FBXO24: variants seen among roughly 807,000 people sequenced by gnomAD.
FBXO24 encodes the protein F-box protein 24, also known as F-box only protein 24.
In FBXO24, 30 loss-of-function variants were observed where a neutral mutation model predicts 63.5. The ratio of observed to expected loss-of-function variants is 0.47; its 90% confidence interval spans 0.35 to 0.64. The LOEUF (loss-of-function observed/expected upper bound fraction) is 0.64. Ranked by LOEUF, FBXO24 falls within the 30% of genes least tolerant of loss-of-function variation. The pLI, the probability that FBXO24 is intolerant of heterozygous loss-of-function variation, is 0.00. For missense variants in FBXO24, 624 were observed against 763.4 expected (o/e 0.82, Z 2.15); for synonymous variants, 300 against 305.0 (o/e 0.98, Z 0.17).
chr7:100,591,692 A>C lies in FBXO24; in HGVS notation c.348A>C (p.Ala116=). ...LNYTKGLYFQ[A]FGGRRRCLSK... is the part of the protein sequence containing the mutation. Reference sequence around the variant, plus strand: ...ACACGAAGGGCCTGTATTTCCAGGCATTTGGAGGCCGCCGCCGATGTCTCA... The same window carrying C: ...ACACGAAGGGCCTGTATTTCCAGGCCTTTGGAGGCCGCCGCCGATGTCTCA... The change falls in exon 4 of 10, where the codon GCA becomes GCC. Residue 116 remains alanine, a synonymous_variant. Transcript: ENST00000241071. 1 of 1,614,130 alleles carries C rather than the reference A, an allele frequency of 6.2e-7. No homozygotes were observed. Among genetic ancestry groups the C allele is most frequent in the Non-Finnish European group, 8.5e-7 (1 of 1,180,012 alleles).
At chr7:100,597,671 G>A (rs956836891) in intron 8 of FBXO24, among the ~76,000 whole-genome samples, 12 of 152,106 alleles carry the variant, frequency 7.9e-5, no homozygotes, top group African/African-American at 2.4e-4. Flanking sequence ...TGGGATTACA[G>A]GTGTGAGCCA....
At chr7:100,593,367 C>T (rs933104349) in intron 5 of FBXO24, among the ~76,000 whole-genome samples, 11 of 152,056 alleles carry the variant, frequency 7.2e-5, no homozygotes, top group Admixed American at 2.0e-4. Flanking sequence ...TGCGGCGGCT[C>T]ACACCTGTAA....
chr7:100,588,551 G>C (rs1801858531), intron 1 of FBXO24, among the ~76,000 whole-genome samples: 1 of 152,184 alleles, frequency 6.6e-6, no homozygotes, highest in Non-Finnish European at 1.5e-5. Flanking sequence ...GTGAGGGCTG[G>C]TGGTCTGGCA....
intron 1 of FBXO24, 55 bp downstream of exon 1, chr7:100,586,719 C>T (rs770474370): frequency 4.4e-6 from 7 of 1,600,182 alleles, no homozygotes; most frequent in South Asian, 3.3e-5. Context: ...CCCTGGCCGG[C>T]CGGGAACGCA....
At chr7:100,588,312 A>G (rs1801849775) in intron 1 of FBXO24, among the ~76,000 whole-genome samples, 1 of 152,240 alleles carries the variant, frequency 6.6e-6, no homozygotes. Context: ...TCTAAGTGGC[A>G]TGAGTCCCTA....
At chr7:100,587,013 C>G (rs1801792014) in intron 1 of FBXO24, among the ~76,000 whole-genome samples, 1 of 152,210 alleles carries the variant, frequency 6.6e-6, no homozygotes, top group Non-Finnish European at 1.5e-5. Context: ...AGGAGCTCCC[C>G]TGGACAGGAA....
At chr7:100,599,855 T>TA (rs777205769) in intron 8 of FBXO24, 176 bp from the exon 9 acceptor site, 56 of 653,166 alleles carry the variant, frequency 8.6e-5, no homozygotes, top group Non-Finnish European at 1.3e-4. Flanking sequence ...TGTGACCAGT[T>TA]AGAGTATGGG....
At chr7:100,587,463 C>T (rs929099701) in intron 1 of FBXO24, among the ~76,000 whole-genome samples, 4 of 150,332 alleles carry the variant, frequency 2.7e-5, no homozygotes, top group African/African-American at 7.4e-5. Flanking sequence ...CCACCACACC[C>T]GGCTAATTTT....
At chr7:100,590,138 C>T in intron 2 of FBXO24, 36 bp from the exon 3 acceptor site, 2 of 1,608,638 alleles carry the variant, frequency 1.2e-6, no homozygotes, top group Non-Finnish European at 1.7e-6. Context: ...CGAGGGGCCA[C>T]CAAAGACTCC....
intron 1 of FBXO24, among the ~76,000 whole-genome samples, chr7:100,588,075 T>TAC (rs1183720595): frequency 6.6e-6 from 1 of 151,868 alleles, no homozygotes; most frequent in East Asian, 1.9e-4. Flanking sequence ...GACAGGGTCC[T>TAC]ACTATGTTGC....
intron 8 of FBXO24, among the ~76,000 whole-genome samples, chr7:100,598,238 G>A (rs1292211445): frequency 2.6e-5 from 4 of 152,138 alleles, no homozygotes; most frequent in Non-Finnish European, 4.4e-5. Context: ...GTATTTGTTT[G>A]TTTAGCCAAC....
At chr7:100,586,848 A>G (rs1584416149) in intron 1 of FBXO24, 184 bp downstream of exon 1, 17 of 328,928 alleles carry the variant, frequency 5.2e-5, no homozygotes, top group East Asian at 1.1e-4. Flanking sequence ...TCGCAGCTGA[A>G]GGGGCAGCGG....
At chr7:100,591,610 C>T (rs2131264598) in intron 3 of FBXO24, 57 bp from the exon 4 acceptor site, 1 of 1,535,428 alleles carries the variant, frequency 6.5e-7, no homozygotes, top group East Asian at 2.3e-5. Context: ...CAAGCTCCAA[C>T]TCATCTCCCT....
rs376117145 is a variant in FBXO24, at chr7:100,591,708, C to T, written c.364C>T (p.Arg122Ter). The T allele has an allele frequency of 1.9e-5, 31 of 1,614,090 alleles. No individual in the cohort carries two copies. The highest frequency in any genetic ancestry group is 2.5e-5 in the Non-Finnish European group (30 of 1,180,032). The change falls in exon 4 of 10, where the codon CGA becomes TGA. Residue 122 changes from arginine (R) to a stop codon, truncating the protein, a stop_gained. Transcript: ENST00000241071. LOFTEE classifies it high-confidence loss of function. ...LYFQAFGGRR[R>*]CLSKSVAPLL... ...TTTCCAGGCATTTGGAGGCCGCCGC[C>T]GATGTCTCAGCAAGAGCGTGGCCCC... is the stretch of plus-strand genomic sequence containing the variant.
intron 3 of FBXO24, 120 bp downstream of exon 3, chr7:100,590,477 G>T (rs968817374): frequency 1.0e-6 from 1 of 990,060 alleles, no homozygotes; most frequent in Admixed American, 2.9e-5. Context: ...CCCTTTCTCC[G>T]GAAGAAACGG....
Position 100,592,339 on chromosome 7 carries a change from G to A in FBXO24, c.558+437G>A, listed in dbSNP as rs1175250779. 3 of 246,448 alleles carry A rather than the reference G, an allele frequency of 1.2e-5. No individual in the cohort carries two copies. The Admixed American group carries it at 1.5e-4, about 13-fold the overall frequency. 15.3% of individuals were successfully genotyped at this position (246,448 alleles called of 1,614,324 possible). ...TGACTCATAGTTCCACATGACTGGG[G>A]AGGCCTCAGGAAACTTACAATCATG... On this transcript the variant is annotated intron_variant, in intron 4 of 9. Coordinates refer to ENST00000241071, the MANE Select transcript of FBXO24 (RefSeq NM_033506.3).
Position 100,590,027 on chromosome 7 carries a change from G to C in FBXO24, c.90G>C (p.Lys30Asn), listed in dbSNP as rs1562815364. ...SCGSELGVEE[K>N]RGKGNPISIQ... ...GCTCGGAGCTTGGGGTTGAAGAGAA[G>C]AGGGGGAAAGGAAATCCGATTTCCA... The change falls in exon 2 of 10, where the codon AAG becomes AAC. Residue 30 changes from lysine (K) to asparagine (N), a missense_variant. Lys to Asn is a moderately conservative substitution (Grantham distance 94). Coordinates refer to ENST00000241071, the MANE Select transcript of FBXO24 (RefSeq NM_033506.3). 1 of 1,613,752 alleles carries C rather than the reference G, an allele frequency of 6.2e-7. No homozygotes were observed. The highest frequency in any genetic ancestry group is 8.5e-7 in the Non-Finnish European group (1 of 1,179,906).
At position 100,600,633 on chromosome 7, in the gene FBXO24, G is replaced by C. The variant is rs1802556331; in HGVS notation, c.1477G>C (p.Ala493Pro). The C allele has an allele frequency of 1.2e-6, 2 of 1,613,708 alleles. No individual in the cohort carries two copies. The highest frequency in any genetic ancestry group is 2.7e-5 in the African/African-American group (2 of 74,938). The change falls in exon 10 of 10, where the codon GCC (alanine) becomes CCC (proline). Residue 493 changes from alanine to proline, a missense_variant. This residue lies in a region of FBXO24 where 216 missense variants were observed against 245.2 expected (regional missense o/e 0.88). Transcript: ENST00000241071. The surrounding 1 kb of genome is among the most constrained non-coding windows in gnomAD (Gnocchi z 6.3). ...EQHAPYRHLP[A>P]SRVVGTPEPS... is the part of the protein sequence containing the mutation. ...GCACGCCCCCTATCGCCACCTGCCA[G>C]CCAGCAGGGTGGTGGGGACTCCTGA...
In FBXO24 at chr7:100,594,295, TCA is replaced by T; in HGVS notation, c.794-86_794-85del. On this transcript the variant is annotated intron_variant, in intron 5 of 9. Transcript: ENST00000241071. This position sits in a 1 kb window ranked among gnomAD's most constrained non-coding sequence, Gnocchi z 4.2. ...GCCCCACTCTAGGGCAGTAAATGTGTCACCCATATGGCCTAGGGAGTCTCTTG... is the reference window on the plus strand; with the variant it reads ...GCCCCACTCTAGGGCAGTAAATGTGTCCCATATGGCCTAGGGAGTCTCTTG... The T allele has an allele frequency of 6.9e-7, 1 of 1,445,018 alleles. No individual in the cohort carries two copies. Among genetic ancestry groups the T allele is most frequent in the South Asian group, 1.3e-5 (1 of 79,042 alleles). The allele number at this position is 1,445,018 out of a possible 1,614,324, so 89.5% of individuals were successfully genotyped here. A position where few individuals can be genotyped will look rare whatever the true frequency, so the allele number is the denominator to read the frequency against.
Sources: allele counts gnomAD v4.1 joint callset (sites outside exome capture counted in the v4.1 genomes callset), GRCh38; gene constraint gnomAD v4.1.1; regional missense constraint gnomAD v4.1.1; non-coding constraint Gnocchi (gnomAD v3.1); transcripts MANE v1.5; gene names NCBI Gene and HGNC (gene_info 2026-07-23, HGNC 2026-07-21).